ERBB4: variants seen among roughly 807,000 people sequenced by gnomAD.
The protein encoded by ERBB4 is receptor tyrosine-protein kinase erbB-4.
In ERBB4, 42 loss-of-function variants were observed where a neutral mutation model predicts 158.0. The ratio of observed to expected loss-of-function variants is 0.27; its 90% confidence interval spans 0.21 to 0.34. ERBB4 has a LOEUF of 0.34. Among genes scored for constraint, ERBB4 ranks in the 10% least tolerant of loss-of-function variants. ERBB4 has a pLI of 1.00. For missense variants in ERBB4, 1,333 were observed against 1,624.1 expected (o/e 0.82, Z 3.08); for synonymous variants, 583 against 558.7 (o/e 1.04, Z -0.61).
intron 4 of ERBB4, among the ~76,000 whole-genome samples, chr2:211,751,659 T>C (rs150770628): frequency 4.5e-4 from 68 of 152,336 alleles, no homozygotes; most frequent in African/African-American, 1.5e-3. Flanking sequence ...GTTAACTATA[T>C]TATAAATATC....
chr2:211,867,794 G>A (rs997885064), intron 3 of ERBB4, among the ~76,000 whole-genome samples: 2 of 152,096 alleles, frequency 1.3e-5, no homozygotes, highest in Non-Finnish European at 2.9e-5. Flanking sequence ...TAAACCGTAT[G>A]TTTATTGTTA....
chr2:211,488,268 C>G (rs2065256766), intron 20 of ERBB4, among the ~76,000 whole-genome samples: 1 of 152,034 alleles, frequency 6.6e-6, no homozygotes, highest in Admixed American at 6.6e-5. Flanking sequence ...TTCAAATTGT[C>G]CCATGTTCCC....
At chr2:212,148,296 G>A (rs762846643) in intron 1 of ERBB4, among the ~76,000 whole-genome samples, 1 of 152,032 alleles carries the variant, frequency 6.6e-6, no homozygotes, top group African/African-American at 2.4e-5. Flanking sequence ...TATCTACAAA[G>A]AGGAATATAC....
In ERBB4 at chr2:211,566,162, A is replaced by G. The variant is rs75789151; in HGVS notation, c.2302-4074T>C. Reference sequence around the variant, plus strand: ...TCCTCTCCAATGGCTCAGAGAGAAGAGAATTCAACATAGGGACCAGAACTG... The same window carrying G: ...TCCTCTCCAATGGCTCAGAGAGAAGGGAATTCAACATAGGGACCAGAACTG... On this transcript the variant is annotated intron_variant, in intron 19 of 27. Coordinates refer to ENST00000342788, the MANE Select transcript of ERBB4 (RefSeq NM_005235.3). Among the ~76,000 whole-genome samples the G allele has an allele frequency of 1.8e-3, 281 of 152,326 alleles. 8 individuals are homozygous for G. In the East Asian group the frequency reaches 0.042, roughly 23 times the overall value.
intron 5 of ERBB4, among the ~76,000 whole-genome samples, chr2:211,747,871 G>A (rs2075019433): frequency 6.6e-6 from 1 of 151,420 alleles, no homozygotes; most frequent in Admixed American, 6.6e-5. Flanking sequence ...CAGTAAATTG[G>A]TTCCAGGACC....
chr2:212,531,568 G>A (rs1350089883), intron 1 of ERBB4, among the ~76,000 whole-genome samples: 5 of 152,098 alleles, frequency 3.3e-5, no homozygotes, highest in African/African-American at 1.2e-4. Context: ...TATTCTCATG[G>A]ATTTCCTGGT....
chr2:212,419,947 T>C (rs754615013), intron 1 of ERBB4, among the ~76,000 whole-genome samples: 27 of 152,002 alleles, frequency 1.8e-4, no homozygotes, highest in Non-Finnish European at 3.5e-4. Context: ...TCAATGTATT[T>C]CTTAAATATC....
intron 1 of ERBB4, among the ~76,000 whole-genome samples, chr2:212,232,353 A>C (rs1568518): frequency 0.041 from 6,232 of 152,258 alleles, 393 homozygotes; most frequent in African/African-American, 0.14. Context: ...GAAAACAATA[A>C]ATCTACTTAA....
At chr2:212,389,320 T>G (rs1031129824) in intron 1 of ERBB4, among the ~76,000 whole-genome samples, 1 of 152,120 alleles carries the variant, frequency 6.6e-6, no homozygotes, top group African/African-American at 2.4e-5. Flanking sequence ...ATAGACCATA[T>G]ACACATATAG....
chr2:211,962,370 G>A lies in ERBB4; in HGVS notation c.235-14754C>T, dbSNP rs181866109. 2.6e-5 allele frequency among the ~76,000 whole-genome samples: 4 copies of A among 152,218 alleles called. No homozygotes were observed. The East Asian group carries it at 7.7e-4, about 29-fold the overall frequency. On this transcript the variant is annotated intron_variant, in intron 2 of 27. Coordinates refer to ENST00000342788, the MANE Select transcript of ERBB4 (RefSeq NM_005235.3). ...CTGAATATGTTAGTAAGAAACATTT[G>A]CACAATTTAGGCAGAGAGAATAATA...
intron 5 of ERBB4, among the ~76,000 whole-genome samples, chr2:211,736,162 C>CA (rs2074592583): frequency 7.3e-6 from 1 of 137,922 alleles, no homozygotes; most frequent in African/African-American, 2.7e-5. Flanking sequence ...GACTCTGTCT[C>CA]AAAAAAAGGA....
chr2:212,442,599 T>C (rs1255214890), intron 1 of ERBB4, among the ~76,000 whole-genome samples: 2 of 152,166 alleles, frequency 1.3e-5, no homozygotes, highest in African/African-American at 2.4e-5. Context: ...AATGGAATTT[T>C]AGCTTAGGTC....
At chr2:211,515,912 A>ATATATATATATATATATTT (rs35696520) in intron 20 of ERBB4, among the ~76,000 whole-genome samples, 6 of 78,982 alleles carry the variant, frequency 7.6e-5, no homozygotes, top group African/African-American at 2.3e-4. Context: ...ATATATATAT[A>ATATATATATATATATATTT]TTTTTTTTTT....
At chr2:212,211,496 CA>C (rs2082932042) in intron 1 of ERBB4, among the ~76,000 whole-genome samples, 1 of 151,954 alleles carries the variant, frequency 6.6e-6, no homozygotes, top group Non-Finnish European at 1.5e-5. Flanking sequence ...ATGTAGTCTA[CA>C]CTTTCTAATA....
At chr2:212,097,933 T>C (rs1046366967) in intron 2 of ERBB4, among the ~76,000 whole-genome samples, 6 of 152,160 alleles carry the variant, frequency 3.9e-5, no homozygotes, top group African/African-American at 1.4e-4. Flanking sequence ...GGTCTTGACT[T>C]CGAACATATT....
rs573222196 is a variant in ERBB4 at position 211,506,677 on chromosome 2, A to G, written c.2487+55226T>C. Among the ~76,000 whole-genome samples, 3 of 146,976 alleles carry G rather than the reference A, an allele frequency of 2.0e-5. No individual in the cohort carries two copies. In the East Asian group the frequency reaches 5.9e-4, roughly 29 times the overall value. On this transcript the variant is annotated intron_variant, in intron 20 of 27. Transcript: ENST00000342788. ...TGACTTTTGGGTAAACAACAACAAT[A>G]AAGCAGAAATTAAAAAAATTGAAAC... is the stretch of plus-strand genomic sequence containing the variant.
intron 7 of ERBB4, among the ~76,000 whole-genome samples, chr2:211,716,362 C>CAAAAAAAAA (rs534486221): frequency 1.2e-4 from 8 of 69,288 alleles, no homozygotes; most frequent in African/African-American, 6.1e-4. Context: ...AACTCTGTCT[C>CAAAAAAAAA]AAAAAAAAAA....
At chr2:211,571,654 C>G (rs991139263) in intron 19 of ERBB4, among the ~76,000 whole-genome samples, 7 of 152,096 alleles carry the variant, frequency 4.6e-5, no homozygotes, top group African/African-American at 7.2e-5. Flanking sequence ...TGTCTGGCAT[C>G]TCTGTTTTTT....
intron 1 of ERBB4, among the ~76,000 whole-genome samples, chr2:212,165,757 C>G (rs2081328566): frequency 6.6e-6 from 1 of 151,980 alleles, no homozygotes; most frequent in South Asian, 2.1e-4. Flanking sequence ...GGACTGCACA[C>G]CTTTTAACTG....
Sources: allele counts gnomAD v4.1 joint callset (sites outside exome capture counted in the v4.1 genomes callset), GRCh38; gene constraint gnomAD v4.1.1; transcripts MANE v1.5; gene names NCBI Gene and HGNC (gene_info 2026-07-23, HGNC 2026-07-21).